Variants in RFX7 observed in about 807,000 individuals in gnomAD.
RFX7 encodes the protein DNA-binding protein RFX7.
A neutral mutation model predicts 111.8 loss-of-function variants in RFX7; 26 were observed. The observed-to-expected ratio is 0.23, with a 90% CI of 0.17 to 0.32. RFX7 has a LOEUF of 0.32. Ranked by LOEUF, RFX7 falls within the 10% of genes least tolerant of loss-of-function variation. The pLI is 1.00. For synonymous variants in RFX7, 624 were observed against 624.4 expected, an observed-to-expected ratio of 1.00 and a Z score of 0.01; for missense variants, 1,573 against 1,772.9, an observed-to-expected ratio of 0.89 and a Z score of 2.02.
chr15:56,241,667 T>C (rs1567058257), intron 2 of RFX7, among the ~76,000 whole-genome samples: 3 of 152,146 alleles, frequency 2.0e-5, no homozygotes, highest in Non-Finnish European at 4.4e-5. Flanking sequence ...TTTTAAATTA[T>C]AGCTTTAAAA....
chr15:56,090,038 C>A lies in RFX7; in HGVS notation c.*3307G>T, dbSNP rs2041576979. ...CCCTGGTTTCATTACTTTGCAGGAG[C>A]TGACATTTCTGGCTACTTCGGCCTG... On this transcript the variant is annotated 3_prime_UTR_variant, in exon 10 of 10. Coordinates refer to ENST00000559447, the MANE Select transcript of RFX7 (RefSeq NM_022841.7). 6.6e-6 allele frequency: 1 copy of A among 152,186 alleles called. No individual in the cohort carries two copies. Among genetic ancestry groups the A allele is most frequent in the African/African-American group, 2.4e-5 (1 of 41,444 alleles). The allele number at this position is 152,186 out of a possible 1,614,324, so 9.4% of individuals were successfully genotyped here.
At chr15:56,145,100 G>A (rs1315090928) in intron 3 of RFX7, among the ~76,000 whole-genome samples, 1 of 152,164 alleles carries the variant, frequency 6.6e-6, no homozygotes, top group Non-Finnish European at 1.5e-5. Context: ...GAATCTACTT[G>A]TAAGATTTTC....
Position 56,230,869 on chromosome 15 carries a change from C to T in RFX7, c.161+12256G>A, listed in dbSNP as rs770873327. ...CAGCATTTTGGGAGGCCAAGGTGGG[C>T]AGACCACGAGGTCAGGAGATCAAGA... On this transcript the variant is annotated intron_variant, in intron 2 of 9. Coordinates refer to ENST00000559447, the MANE Select transcript of RFX7 (RefSeq NM_022841.7). 3.0e-4 allele frequency among the ~76,000 whole-genome samples: 46 copies of T among 152,278 alleles called. No individual in the cohort carries two copies. In the Middle Eastern group the frequency reaches 0.01, roughly 34 times the overall value.
chr15:56,182,119 T>C (rs1223975281), intron 2 of RFX7, among the ~76,000 whole-genome samples: 17 of 152,154 alleles, frequency 1.1e-4, no homozygotes, highest in African/African-American at 3.6e-4. Context: ...TGGTGAGTTA[T>C]ATAATTATTT....
chr15:56,138,836 G>A (rs1325979435), intron 5 of RFX7, among the ~76,000 whole-genome samples: 3 of 152,058 alleles, frequency 2.0e-5, no homozygotes, highest in African/African-American at 7.3e-5. Context: ...CTCAGCATTT[G>A]CTTGTCTGTA....
At chr15:56,109,619 G>A (rs1301347780) in intron 5 of RFX7, among the ~76,000 whole-genome samples, 3 of 151,860 alleles carry the variant, frequency 2.0e-5, no homozygotes, top group Non-Finnish European at 4.4e-5. Flanking sequence ...CTTCCCTGCC[G>A]CCATCCCATC....
At chr15:56,243,957 C>A (rs1245067840), upstream of RFX7, 1 of 149,594 alleles carries the variant, frequency 6.7e-6, no homozygotes, top group African/African-American at 2.4e-5. Context: ...GGGCCGCGGG[C>A]GCGACGGGCC....
At chr15:56,102,065 G>C (rs1304327988) in intron 7 of RFX7, 104 bp downstream of exon 7, 1 of 768,924 alleles carries the variant, frequency 1.3e-6, no homozygotes, top group Non-Finnish European at 2.1e-6. Context: ...ATTTGTAAAA[G>C]GCACAGTCGC....
intron 2 of RFX7, among the ~76,000 whole-genome samples, chr15:56,210,574 A>T (rs1024047135): frequency 6.6e-6 from 1 of 152,104 alleles, no homozygotes; most frequent in Admixed American, 6.5e-5. Flanking sequence ...AACACATCTT[A>T]ACAAATTTTT....
chr15:56,106,626 G>A lies in RFX7; in HGVS notation c.402-2956C>T, dbSNP rs148351805. On this transcript the variant is annotated intron_variant, in intron 5 of 9. Transcript: ENST00000559447. ...CCTCAACACGAACCCTTCTTTGATG[G>A]GGAGGACTCTTTATTGTGAGGTGGC... Among the ~76,000 whole-genome samples, 380 of 152,202 alleles carry A rather than the reference G, an allele frequency of 2.5e-3. 15 individuals carry two copies. The East Asian group carries it at 0.066, about 26-fold the overall frequency.
chr15:56,236,930 G>C (rs1244348460), intron 2 of RFX7, among the ~76,000 whole-genome samples: 1 of 152,122 alleles, frequency 6.6e-6, no homozygotes, highest in African/African-American at 2.4e-5. Context: ...GCTCAATAAA[G>C]ATTTGCACAG....
At position 56,169,917 on chromosome 15, in the gene RFX7, A is replaced by G. The variant is rs182394745; in HGVS notation, c.195+9353T>C. ...GCAAAGGGAAGAATGGCAGAAACAG[A>G]AAAAAAAAAAAGTTCTTCCCTTCTA... On this transcript the variant is annotated intron_variant, in intron 3 of 9. Coordinates refer to ENST00000559447, the MANE Select transcript of RFX7 (RefSeq NM_022841.7). Among the ~76,000 whole-genome samples the G allele has an allele frequency of 3.6e-3, 520 of 145,270 alleles. 12 individuals carry two copies. In the East Asian group the frequency reaches 0.062, roughly 17 times the overall value.
At chr15:56,220,023 G>GCA (rs1457645707) in intron 2 of RFX7, among the ~76,000 whole-genome samples, 1 of 152,052 alleles carries the variant, frequency 6.6e-6, no homozygotes, top group African/African-American at 2.4e-5. Flanking sequence ...AGCCTTACCA[G>GCA]CATCTTTCTG....
rs1417571206 is a variant in RFX7, at chr15:56,088,674, T to C, written c.*4671A>G. On this transcript the variant is annotated 3_prime_UTR_variant, in exon 10 of 10. Transcript: ENST00000559447. ...TTAAAAATTCATTTATAACAATGCA[T>C]GTCAAAATAAATCTGTACTTCAGAT... 2.0e-5 allele frequency: 3 copies of C among 152,194 alleles called. No homozygotes were observed. The highest frequency in any genetic ancestry group is 7.2e-5 in the African/African-American group (3 of 41,438). The allele number at this position is 152,194 out of a possible 1,614,324, so 9.4% of individuals were successfully genotyped here.
intron 2 of RFX7, among the ~76,000 whole-genome samples, chr15:56,222,919 T>A (rs2043441929): frequency 6.6e-6 from 1 of 152,196 alleles, no homozygotes; most frequent in African/African-American, 2.4e-5. Flanking sequence ...TTTTAAAGTA[T>A]GTTTTGTTTT....
Position 56,098,368 on chromosome 15 carries a change from C to T in RFX7, c.820G>A (p.Gly274Arg). Residue 274 changes from glycine (G) to arginine (R), a missense_variant, in exon 9 of 10, where the codon GGA becomes AGA. Physicochemically the swap from Gly to Arg is moderately radical, Grantham distance 125. Around this residue, in one of 7 missense-constraint regions of RFX7, gnomAD observed 288 missense variants for 337.9 expected, o/e 0.85. Transcript: ENST00000559447. The stretch of plus-strand genomic sequence containing the variant: ...ATAAAAGCAGAAGGCTGGGTAATTC[C>T]TTTCATTCCTGAAAATAAACAGAAA... The part of the protein sequence containing the change: ...VMAAAPAGMK[G>R]ITQPSAFIPT... 1 of 1,589,676 alleles carries T rather than the reference C, an allele frequency of 6.3e-7. No homozygotes were observed. Among genetic ancestry groups the T allele is most frequent in the East Asian group, 2.3e-5 (1 of 44,388 alleles).
chr15:56,176,338 A>G (rs1250066555), intron 3 of RFX7, among the ~76,000 whole-genome samples: 1 of 152,148 alleles, frequency 6.6e-6, no homozygotes, highest in African/African-American at 2.4e-5. Context: ...CAAGTAGGAC[A>G]AACATGAAGT....
chr15:56,224,418 CATT>C (rs2043458758), intron 2 of RFX7, among the ~76,000 whole-genome samples: 1 of 150,570 alleles, frequency 6.6e-6, no homozygotes. Context: ...CAAAAAGCAA[CATT>C]TTTTGGTGTA....
chr15:56,239,091 C>G (rs1190647058), intron 2 of RFX7, among the ~76,000 whole-genome samples: 1 of 152,088 alleles, frequency 6.6e-6, no homozygotes, highest in East Asian at 1.9e-4. Context: ...ACCTTGACCT[C>G]CCAAAGTGTT....
Sources: gnomAD v4.1 joint callset for allele counts (sites outside exome capture counted in the v4.1 genomes callset) on GRCh38, gnomAD v4.1.1 for gene constraint, gnomAD v4.1.1 regional missense constraint, MANE v1.5 for transcripts, NCBI Gene and HGNC (gene_info 2026-07-23, HGNC 2026-07-21) for gene names.